The following ANXA4 variants were observed in gnomAD, a reference collection of about 807,000 sequenced individuals.
The protein encoded by ANXA4 is 35-beta calcimedin.
In ANXA4, 39 loss-of-function variants were observed where a neutral mutation model predicts 49.8. That is an observed-to-expected ratio of 0.78 (90% CI 0.61 to 1.02). The LOEUF (loss-of-function observed/expected upper bound fraction) is 1.02. ANXA4 is among the 50% of genes least tolerant of loss of function. The pLI, the probability that ANXA4 is intolerant of heterozygous loss-of-function variation, is 0.00. For synonymous variants in ANXA4, 134 were observed against 152.5 expected, an observed-to-expected ratio of 0.88 and a Z score of 0.89; for missense variants, 360 against 410.1, an observed-to-expected ratio of 0.88 and a Z score of 1.05.
chr2:69,803,910 G>A (rs560896387), intron 3 of ANXA4, among the ~76,000 whole-genome samples: 2 of 152,190 alleles, frequency 1.3e-5, no homozygotes, highest in Non-Finnish European at 2.9e-5. Context: ...GGCCGAGGAG[G>A]GCAGATCATT....
At chr2:69,668,994 T>A (rs1186482055) in intron 2 of ANXA4, among the ~76,000 whole-genome samples, 2 of 151,654 alleles carry the variant, frequency 1.3e-5, no homozygotes, top group African/African-American at 4.8e-5. Context: ...TGCAGTGCAG[T>A]GGTGCGATCT....
At chr2:69,735,914 A>G (rs2872073) in intron 3 of ANXA4, among the ~76,000 whole-genome samples, 85,880 of 151,894 alleles carry the variant, frequency 0.57, 25,077 homozygotes, top group East Asian at 0.71. Context: ...TCTGGCACTG[A>G]GACAGGGAAA....
intron 3 of ANXA4, among the ~76,000 whole-genome samples, chr2:69,788,975 T>C (rs1343475010): frequency 6.6e-6 from 1 of 152,154 alleles, no homozygotes; most frequent in Non-Finnish European, 1.5e-5. Flanking sequence ...GGGGCATTAG[T>C]TCTTCACTTT....
At chr2:69,739,043 T>C (rs978747316), upstream of ANXA4, among the ~76,000 whole-genome samples, 1 of 152,244 alleles carries the variant, frequency 6.6e-6, no homozygotes, top group African/African-American at 2.4e-5. Flanking sequence ...AGCCACTGCA[T>C]GATTCTTCAG....
chr2:69,751,723 G>T (rs1318362943), intron 1 of ANXA4, among the ~76,000 whole-genome samples: 1 of 152,110 alleles, frequency 6.6e-6, no homozygotes, highest in African/African-American at 2.4e-5. Context: ...TCAGGACCAT[G>T]TGCTGCATCA....
chr2:69,760,838 G>T (rs1237535932), intron 1 of ANXA4, among the ~76,000 whole-genome samples: 1 of 152,028 alleles, frequency 6.6e-6, no homozygotes, highest in Admixed American at 6.5e-5. Flanking sequence ...TATCAAATAA[G>T]ATAAAATATG....
At chr2:69,770,780 G>A (rs1395523817) in intron 1 of ANXA4, among the ~76,000 whole-genome samples, 2 of 151,968 alleles carry the variant, frequency 1.3e-5, no homozygotes, top group African/African-American at 4.8e-5. Flanking sequence ...CACACATATT[G>A]CTAATTTATT....
intron 2 of ANXA4, among the ~76,000 whole-genome samples, chr2:69,715,420 C>A (rs571242919): frequency 6.6e-5 from 10 of 152,248 alleles, no homozygotes; most frequent in Non-Finnish European, 1.2e-4. Context: ...ATTGGCCAGG[C>A]TGGTCTTGAA....
chr2:69,790,883 T>TA (rs954364055), intron 3 of ANXA4, among the ~76,000 whole-genome samples: 1 of 152,242 alleles, frequency 6.6e-6, no homozygotes, highest in African/African-American at 2.4e-5. Context: ...TGATAAGTCT[T>TA]AAAACATAAT....
intron 2 of ANXA4, among the ~76,000 whole-genome samples, chr2:69,681,337 C>T (rs1001070541): frequency 1.3e-5 from 2 of 150,584 alleles, no homozygotes; most frequent in African/African-American, 2.4e-5. Flanking sequence ...TCTGTGGCAT[C>T]AGTTACAATG....
At position 69,806,372 on chromosome 2, in the gene ANXA4, T is replaced by C. The variant is rs1290098288; in HGVS notation, c.193-13T>C. 6.3e-7 allele frequency: 1 copy of C among 1,599,144 alleles called. No homozygotes were observed. The highest frequency in any genetic ancestry group is 8.6e-7 in the Non-Finnish European group (1 of 1,166,336). Reference sequence around the variant, plus strand: ...CTATAGCAGTTAAGCGGAGCTACTTTCTTGCATTGCAGGACTTGATAGACG... The same window carrying C: ...CTATAGCAGTTAAGCGGAGCTACTTCCTTGCATTGCAGGACTTGATAGACG... On this transcript the variant is annotated splice_polypyrimidine_tract_variant and intron_variant, in intron 4 of 12. Transcript: ENST00000394295.
chr2:69,679,912 G>A (rs762319974), intron 2 of ANXA4, among the ~76,000 whole-genome samples: 1 of 152,100 alleles, frequency 6.6e-6, no homozygotes, highest in Non-Finnish European at 1.5e-5. Flanking sequence ...CTATAACCTT[G>A]TAATATATTT....
intron 2 of ANXA4, among the ~76,000 whole-genome samples, chr2:69,660,568 A>C (rs780682571): frequency 1.6e-4 from 24 of 152,224 alleles, no homozygotes; most frequent in Non-Finnish European, 3.2e-4. Flanking sequence ...AAATGAAATA[A>C]GAAATCAAAA....
At position 69,673,013 on chromosome 2, in the gene ANXA4, C is replaced by G. The variant is rs1256030814; in HGVS notation, n.766+19731C>G. 3.9e-5 allele frequency among the ~76,000 whole-genome samples: 6 copies of G among 151,974 alleles called. No homozygotes were observed. In the South Asian group the frequency reaches 1.2e-3, roughly 32 times the overall value. On this transcript the variant is annotated intron_variant and non_coding_transcript_variant, in intron 2 of 3. Coordinates refer to the ANXA4 transcript ENST00000418066. ...TGGCGATCATTAAAAAGTCGGGGAA[C>G]AACAGATGCTGGAGAGGATGTGGAG...
chr2:69,663,394 C>T (rs2105328275), intron 2 of ANXA4, among the ~76,000 whole-genome samples: 1 of 134,794 alleles, frequency 7.4e-6, no homozygotes, highest in African/African-American at 2.8e-5. Context: ...AAGGATCTGA[C>T]AATAAAGATA....
rs1379622805 is a variant in ANXA4 at position 69,804,500 on chromosome 2, C to T, written c.98-33C>T. Reference sequence around the variant, plus strand: ...CTGCTTTCTCATTCCTCTCTCAAATCACACTTACCTGCTGTCTCCCTTCTT... The same window carrying T: ...CTGCTTTCTCATTCCTCTCTCAAATTACACTTACCTGCTGTCTCCCTTCTT... On this transcript the variant is annotated intron_variant, in intron 3 of 12. Coordinates refer to ENST00000394295, the MANE Select transcript of ANXA4 (RefSeq NM_001153.5). 4 of 1,581,040 alleles carry T rather than the reference C, an allele frequency of 2.5e-6. No homozygotes were observed. In the South Asian group the frequency reaches 4.4e-5, roughly 18 times the overall value.
chr2:69,809,933 C>A (rs1457141624), intron 6 of ANXA4: 3 of 152,410 alleles, frequency 2.0e-5, no homozygotes, highest in Admixed American at 6.5e-5. Context: ...ATCAGTGAAG[C>A]AGCAGAGGCT....
intron 3 of ANXA4, among the ~76,000 whole-genome samples, chr2:69,729,301 C>A (rs1171199502): frequency 6.6e-6 from 1 of 152,232 alleles, no homozygotes; most frequent in African/African-American, 2.4e-5. Flanking sequence ...AGGTGTGAGC[C>A]ACCATGCACG....
chr2:69,725,299 T>C (rs963679966), intron 3 of ANXA4, among the ~76,000 whole-genome samples: 2 of 150,990 alleles, frequency 1.3e-5, no homozygotes, highest in Non-Finnish European at 3.0e-5. Flanking sequence ...TGAGGCATCA[T>C]TTATATATTT....
Sources: allele counts gnomAD v4.1 joint callset (sites outside exome capture counted in the v4.1 genomes callset), GRCh38; gene constraint gnomAD v4.1.1; transcripts MANE v1.5; gene names NCBI Gene and HGNC (gene_info 2026-07-23, HGNC 2026-07-21).